MCEE: variants seen among roughly 807,000 people sequenced by gnomAD.
MCEE encodes the protein methylmalonyl-CoA epimerase, mitochondrial.
Under a neutral mutation model 12.9 loss-of-function variants are expected in MCEE, and 6 were observed. That is an observed-to-expected ratio of 0.47 (90% CI 0.26 to 0.92). The LOEUF (loss-of-function observed/expected upper bound fraction) is 0.92, where lower values mean the gene tolerates loss of function less well. Among genes scored for constraint, MCEE ranks in the 40% least tolerant of loss-of-function variants. The probability of loss-of-function intolerance (pLI) is 0.16; values close to 1 mark genes in which losing one functional copy is unlikely to be tolerated. For synonymous variants in MCEE, 78 were observed against 77.9 expected, an observed-to-expected ratio of 1.00 and a Z score of -0.01; for missense variants, 214 against 212.1, an observed-to-expected ratio of 1.01 and a Z score of -0.05.
At chr2:71,119,459 G>T (rs139828497) in intron 2 of MCEE, among the ~76,000 whole-genome samples, 5 of 150,670 alleles carry the variant, frequency 3.3e-5, no homozygotes, top group African/African-American at 1.0e-4. Flanking sequence ...TGCGGTGTGG[G>T]ACTGTATTTG....
intron 2 of MCEE, among the ~76,000 whole-genome samples, chr2:71,121,936 G>A (rs1213817823): frequency 6.6e-6 from 1 of 152,150 alleles, no homozygotes; most frequent in Non-Finnish European, 1.5e-5. Flanking sequence ...GCAGACCCTG[G>A]AATCAGAACC....
In MCEE at chr2:71,116,308, G is replaced by A. The variant is rs549578642; in HGVS notation, c.379-6186C>T. 4.7e-5 allele frequency among the ~76,000 whole-genome samples: 7 copies of A among 150,162 alleles called. 1 individual carries two copies. Among genetic ancestry groups the A allele is most frequent in the East Asian group, 3.9e-4 (2 of 5,168 alleles). On this transcript the variant is annotated intron_variant, in intron 2 of 2. Coordinates refer to ENST00000244217, the MANE Select transcript of MCEE (RefSeq NM_032601.4). ...AGGATGGTCTCGATCTCCTGACCTCGTGATCCACCCGCCTCGGCCTCCCAA... is the reference window on the plus strand; with the variant it reads ...AGGATGGTCTCGATCTCCTGACCTCATGATCCACCCGCCTCGGCCTCCCAA...
At chr2:71,124,636 A>C in intron 1 of MCEE, 93 bp from the exon 2 acceptor site, 1 of 937,282 alleles carries the variant, frequency 1.1e-6, no homozygotes. Flanking sequence ...TGCATGCAAA[A>C]ATTCATTATT....
chr2:71,119,535 TTC>T (rs61182639), intron 2 of MCEE, among the ~76,000 whole-genome samples: 9,604 of 150,228 alleles, frequency 0.064, 1,387 homozygotes, highest in African/African-American at 0.19. Context: ...GCACTATTAC[TTC>T]TGTTTATCCT....
chr2:71,127,067 TA>T (rs1425419695), intron 1 of MCEE, among the ~76,000 whole-genome samples: 1 of 152,206 alleles, frequency 6.6e-6, no homozygotes, highest in Non-Finnish European at 1.5e-5. Context: ...TACTACAGTG[TA>T]AAACCATGTG....
intron 1 of MCEE, 51 bp from the exon 2 acceptor site, chr2:71,124,594 T>C (rs764640323): frequency 7.2e-7 from 1 of 1,391,184 alleles, no homozygotes; most frequent in South Asian, 1.2e-5. Flanking sequence ...TTAACGCACT[T>C]CTAAATTGAA....
intron 1 of MCEE, among the ~76,000 whole-genome samples, chr2:71,125,203 A>AT (rs1222185444): frequency 7.7e-4 from 33 of 42,768 alleles, no homozygotes; most frequent in African/African-American, 2.6e-3. Flanking sequence ...ATATATATAT[A>AT]TATATATATT....
At chr2:71,113,212 G>C (rs781364729) in intron 2 of MCEE, among the ~76,000 whole-genome samples, 1 of 152,206 alleles carries the variant, frequency 6.6e-6, no homozygotes, top group African/African-American at 2.4e-5. Context: ...AGCTGGAGAC[G>C]TCAGTATGCT....
intron 1 of MCEE, among the ~76,000 whole-genome samples, chr2:71,127,739 G>A (rs894933708): frequency 2.6e-5 from 4 of 152,180 alleles, no homozygotes; most frequent in African/African-American, 9.7e-5. Context: ...CAATTCTCCT[G>A]CCTCAGCCTC....
intron 1 of MCEE, 143 bp downstream of exon 1, chr2:71,130,037 G>A: frequency 6.0e-6 from 5 of 832,634 alleles, no homozygotes; most frequent in Non-Finnish European, 1.0e-5. Context: ...CTCTGCCTAA[G>A]TGACAGCAGC....
chr2:71,124,526 G>C lies in MCEE; in HGVS notation c.58C>G (p.Gln20Glu). Residue 20 changes from glutamine to glutamate, a missense_variant, in exon 2 of 3, where the codon CAA (glutamine) becomes GAA (glutamate). Coordinates refer to ENST00000244217, the MANE Select transcript of MCEE (RefSeq NM_032601.4). ...GCTCTTACTGTTGGAATGGGAGCTT[G>C]AAGTCTGGAAAAAAGCCCTGAAAAA... ...ANAVGLFSRL[Q>E]APIPTVRASS... 1 of 1,613,856 alleles carries C rather than the reference G, an allele frequency of 6.2e-7. No homozygotes were observed. The highest frequency in any genetic ancestry group is 1.3e-5 in the African/African-American group (1 of 75,064).
intron 2 of MCEE, among the ~76,000 whole-genome samples, chr2:71,122,439 T>C (rs11676043): frequency 0.55 from 83,213 of 152,160 alleles, 25,192 homozygotes; most frequent in Middle Eastern, 0.69. Flanking sequence ...TTTCACGCTA[T>C]TGATAAAGAC....
At chr2:71,125,031 T>A (rs1163065940) in intron 1 of MCEE, among the ~76,000 whole-genome samples, 1 of 150,978 alleles carries the variant, frequency 6.6e-6, no homozygotes, top group Non-Finnish European at 1.5e-5. Flanking sequence ...CAGGCCGGAG[T>A]GCTGGAGTGC....
At chr2:71,114,264 A>G (rs962314480) in intron 2 of MCEE, among the ~76,000 whole-genome samples, 1 of 152,204 alleles carries the variant, frequency 6.6e-6, no homozygotes, top group Non-Finnish European at 1.5e-5. Context: ...ATGCATTGTC[A>G]GGTGCAGCAA....
chr2:71,115,920 A>C (rs1335850064), intron 2 of MCEE, among the ~76,000 whole-genome samples: 1 of 148,998 alleles, frequency 6.7e-6, no homozygotes, highest in Non-Finnish European at 1.5e-5. Flanking sequence ...TATGTAACAA[A>C]CCTGCACGTT....
intron 2 of MCEE, among the ~76,000 whole-genome samples, chr2:71,111,787 C>T (rs1324659610): frequency 1.3e-5 from 2 of 152,206 alleles, no homozygotes; most frequent in East Asian, 1.9e-4. Context: ...ATTCCCCCTT[C>T]CTGCACTGCA....
At chr2:71,121,621 AC>A (rs1673102060) in intron 2 of MCEE, among the ~76,000 whole-genome samples, 1 of 151,876 alleles carries the variant, frequency 6.6e-6, no homozygotes, top group Non-Finnish European at 1.5e-5. Flanking sequence ...ACTTAACTGA[AC>A]TAAATCACAT....
chr2:71,127,095 A>T (rs1329961445), intron 1 of MCEE, among the ~76,000 whole-genome samples: 1 of 152,264 alleles, frequency 6.6e-6, no homozygotes, highest in African/African-American at 2.4e-5. Flanking sequence ...AATGCATAAG[A>T]TATTTAAAAA....
intron 2 of MCEE, among the ~76,000 whole-genome samples, chr2:71,114,015 A>G (rs1672943224): frequency 6.6e-6 from 1 of 152,232 alleles, no homozygotes; most frequent in Non-Finnish European, 1.5e-5. Flanking sequence ...AGTTTACAAA[A>G]TAACTGAACA....
Sources: allele counts gnomAD v4.1 joint callset (sites outside exome capture counted in the v4.1 genomes callset), GRCh38; gene constraint gnomAD v4.1.1; transcripts MANE v1.5; gene names NCBI Gene and HGNC (gene_info 2026-07-23, HGNC 2026-07-21).